RALGPS1: variants seen among roughly 807,000 people sequenced by gnomAD.
RALGPS1 encodes the protein ras-specific guanine nucleotide-releasing factor RalGPS1.
In RALGPS1, 19 loss-of-function variants were observed where a neutral mutation model predicts 78.8. The ratio of observed to expected loss-of-function variants is 0.24; its 90% CI spans 0.17 to 0.35. RALGPS1 has a LOEUF of 0.35. RALGPS1 is among the 10% of genes least tolerant of loss of function. RALGPS1 has a pLI of 1.00. For synonymous variants in RALGPS1, 228 were observed against 256.3 expected (o/e 0.89, Z 1.06); for missense variants, 454 against 688.3 (o/e 0.66, Z 3.81).
At chr9:127,069,531 C>A (rs2050010123) in intron 8 of RALGPS1, 175 bp downstream of exon 8, 3 of 646,882 alleles carry the variant, frequency 4.6e-6, no homozygotes, top group African/African-American at 3.7e-5. Flanking sequence ...AGGTTGGAAA[C>A]CTGGATTAGG....
intron 5 of RALGPS1, among the ~76,000 whole-genome samples, chr9:127,036,031 G>T (rs2046837349): frequency 1.3e-5 from 2 of 152,186 alleles, no homozygotes. Context: ...GGTCTGCTGG[G>T]GCTCTGATGT....
At chr9:127,088,800 A>T in intron 8 of RALGPS1, 1 of 977,630 alleles carries the variant, frequency 1.0e-6, no homozygotes, top group Non-Finnish European at 1.6e-6. Context: ...CGCTGCAGTG[A>T]CTTCGGAAAA....
At chr9:126,969,035 C>T (rs552014514) in intron 3 of RALGPS1, among the ~76,000 whole-genome samples, 9 of 150,830 alleles carry the variant, frequency 6.0e-5, no homozygotes, top group African/African-American at 1.5e-4. Flanking sequence ...GCAAAAAGAG[C>T]GAAACTCCGT....
intron 11 of RALGPS1, among the ~76,000 whole-genome samples, chr9:127,191,810 G>T (rs997270080): frequency 1.2e-4 from 18 of 148,778 alleles, no homozygotes; most frequent in African/African-American, 4.5e-4. Context: ...CCATTCTCCT[G>T]CCTCAGCCTC....
intron 8 of RALGPS1, among the ~76,000 whole-genome samples, chr9:127,118,545 T>A (rs1341906151): frequency 6.6e-6 from 1 of 152,216 alleles, no homozygotes; most frequent in Admixed American, 6.5e-5. Flanking sequence ...CAATCTTTGC[T>A]TTTTGGCCCA....
intron 18 of RALGPS1, chr9:127,217,208 G>A: frequency 8.2e-7 from 1 of 1,226,302 alleles, no homozygotes; most frequent in Non-Finnish European, 1.0e-6. Flanking sequence ...AAGTTTTAAG[G>A]ATTTTTGTCT....
chr9:127,188,997 C>CAAAA (rs543909572), intron 11 of RALGPS1, among the ~76,000 whole-genome samples: 6 of 56,824 alleles, frequency 1.1e-4, no homozygotes, highest in African/African-American at 3.7e-4. Flanking sequence ...AAGACTGTCT[C>CAAAA]AAAAAAAAAA....
At chr9:127,149,925 C>G (rs1349497999) in intron 8 of RALGPS1, among the ~76,000 whole-genome samples, 1 of 152,238 alleles carries the variant, frequency 6.6e-6, no homozygotes, top group Non-Finnish European at 1.5e-5. Context: ...TGGCAGCACC[C>G]CTGCCCTGGC....
chr9:127,150,196 G>A (rs2139028763), intron 8 of RALGPS1, among the ~76,000 whole-genome samples: 1 of 152,282 alleles, frequency 6.6e-6, no homozygotes, highest in South Asian at 2.1e-4. Context: ...ACCATTCCCA[G>A]CATTCTTTTG....
intron 8 of RALGPS1, among the ~76,000 whole-genome samples, chr9:127,073,667 T>A (rs1302816642): frequency 6.6e-6 from 1 of 152,164 alleles, no homozygotes; most frequent in Non-Finnish European, 1.5e-5. Context: ...TTTCAAGCAA[T>A]CGCTATACTG....
At chr9:127,068,256 A>G in intron 7 of RALGPS1, among the ~76,000 whole-genome samples, 1 of 152,236 alleles carries the variant, frequency 6.6e-6, no homozygotes. Context: ...TCTGGAGGAT[A>G]TAGCCTGGAT....
At position 127,194,054 on chromosome 9, in the gene RALGPS1, C is replaced by T. The variant is rs80025126; in HGVS notation, c.911-1037C>T. Among the ~76,000 whole-genome samples, 69 of 152,318 alleles carry T rather than the reference C, an allele frequency of 4.5e-4. 1 individual carries two copies. In the East Asian group the frequency reaches 0.012, roughly 27 times the overall value. On this transcript the variant is annotated intron_variant, in intron 11 of 18. Coordinates refer to ENST00000259351, the MANE Select transcript of RALGPS1 (RefSeq NM_014636.3). ...GTATTGTGCACAGTGAGGTTTGCGC[C>T]CCTAACTCCCTGGCTCTGGTGACCT...
At position 127,040,443 on chromosome 9, in the gene RALGPS1, G is replaced by T. The variant is rs567714468; in HGVS notation, c.300+5929G>T. Among the ~76,000 whole-genome samples, 6 of 152,212 alleles carry T rather than the reference G, an allele frequency of 3.9e-5. No individual in the cohort carries two copies. The South Asian group carries it at 8.3e-4, about 21-fold the overall frequency. On this transcript the variant is annotated intron_variant, in intron 5 of 18. Transcript: ENST00000259351. ...CTGAAGTGACAAATGATAGGGGATT[G>T]GTCTGCTTAAGAGGAAAAGGATGCC...
chr9:126,929,697 C>T (rs2035623149), intron 1 of RALGPS1, among the ~76,000 whole-genome samples: 1 of 152,124 alleles, frequency 6.6e-6, no homozygotes, highest in Non-Finnish European at 1.5e-5. Flanking sequence ...CTCCCTACCT[C>T]AGGTAATCTG....
intron 8 of RALGPS1, among the ~76,000 whole-genome samples, chr9:127,095,356 C>T (rs1795450159): frequency 6.6e-6 from 1 of 152,200 alleles, no homozygotes; most frequent in African/African-American, 2.4e-5. Context: ...TGAGATGGCC[C>T]CACTGCACTC....
intron 5 of RALGPS1, among the ~76,000 whole-genome samples, chr9:127,042,495 A>G (rs2047405158): frequency 6.6e-6 from 1 of 152,202 alleles, no homozygotes; most frequent in African/African-American, 2.4e-5. Flanking sequence ...ATCTCAGCCA[A>G]TTAGGAATAG....
intron 1 of RALGPS1, among the ~76,000 whole-genome samples, chr9:126,940,647 T>TA (rs2036691471): frequency 6.6e-6 from 1 of 152,132 alleles, no homozygotes; most frequent in South Asian, 2.1e-4. Context: ...TTTGTCGTGT[T>TA]AGCCAGGACG....
intron 1 of RALGPS1, among the ~76,000 whole-genome samples, chr9:126,958,641 G>A (rs532104736): frequency 2.0e-5 from 3 of 152,290 alleles, no homozygotes; most frequent in East Asian, 3.9e-4. Flanking sequence ...GCGGTGTGTC[G>A]ACTGAATTCT....
chr9:127,134,826 T>C (rs1312974179), intron 8 of RALGPS1, among the ~76,000 whole-genome samples: 1 of 152,218 alleles, frequency 6.6e-6, no homozygotes, highest in Admixed American at 6.5e-5. Context: ...TCTGAACAGC[T>C]GAGAGTAATC....
Sources: gnomAD v4.1 joint callset for allele counts (sites outside exome capture counted in the v4.1 genomes callset) on GRCh38, gnomAD v4.1.1 for gene constraint, MANE v1.5 for transcripts, NCBI Gene and HGNC (gene_info 2026-07-23, HGNC 2026-07-21) for gene names.